WDR59: variants seen among roughly 807,000 people sequenced by gnomAD.
The protein encoded by WDR59 is GATOR2 complex protein WDR59.
In WDR59, 100 loss-of-function variants were observed where a neutral mutation model predicts 131.2. The ratio of observed to expected loss-of-function variants is 0.76; its 90% CI spans 0.65 to 0.90. WDR59 has a LOEUF of 0.90. WDR59 is among the 40% of genes least tolerant of loss of function. The pLI, the probability that WDR59 is intolerant of heterozygous loss-of-function variation, is 0.00. For synonymous variants in WDR59, 601 were observed against 466.2 expected (o/e 1.29, Z -3.72); for missense variants, 1,203 against 1,262.2 (o/e 0.95, Z 0.71).
In WDR59 at chr16:74,929,941, C is replaced by T. The variant is rs537669583; in HGVS notation, c.652-5938G>A. Among the ~76,000 whole-genome samples the T allele has an allele frequency of 2.6e-5, 4 of 152,326 alleles. No homozygotes were observed. In the South Asian group the frequency reaches 8.3e-4, roughly 32 times the overall value. On this transcript the variant is annotated intron_variant, in intron 8 of 25. Transcript: ENST00000262144. Reference sequence around the variant, plus strand: ...AACAAGCCAGGCACAGAAAAATAAACTTTGCATGTTCTCACTCATTTGTGG... The same window carrying T: ...AACAAGCCAGGCACAGAAAAATAAATTTTGCATGTTCTCACTCATTTGTGG...
At chr16:74,978,604 G>T (rs2034279604) in intron 1 of WDR59, among the ~76,000 whole-genome samples, 1 of 152,194 alleles carries the variant, frequency 6.6e-6, no homozygotes, top group East Asian at 1.9e-4. Flanking sequence ...CCAGAGATAA[G>T]GGATGGAGAT....
At chr16:74,933,861 A>G (rs1275566531) in intron 8 of WDR59, among the ~76,000 whole-genome samples, 1 of 152,224 alleles carries the variant, frequency 6.6e-6, no homozygotes, top group Non-Finnish European at 1.5e-5. Flanking sequence ...TTGGGATTAC[A>G]GGCGTGAGCC....
chr16:74,951,582 G>A (rs1268874562), intron 3 of WDR59, 39 bp from the exon 4 acceptor site: 40 of 1,532,298 alleles, frequency 2.6e-5, no homozygotes, highest in South Asian at 7.1e-5. Context: ...CAAGTATGTT[G>A]GGATATATGG....
chr16:74,909,747 C>G (rs1442108016), intron 15 of WDR59, 75 bp downstream of exon 15: 4 of 1,572,308 alleles, frequency 2.5e-6, no homozygotes, highest in Non-Finnish European at 3.4e-6. Flanking sequence ...AACCAGAAAA[C>G]CCATGATTTT....
chr16:74,982,205 A>G (rs1486589483), intron 1 of WDR59, among the ~76,000 whole-genome samples: 1 of 151,782 alleles, frequency 6.6e-6, no homozygotes, highest in Non-Finnish European at 1.5e-5. Flanking sequence ...GCTCCTATTC[A>G]TAAAGGCATT....
intron 9 of WDR59, among the ~76,000 whole-genome samples, chr16:74,923,622 C>T: frequency 6.6e-6 from 1 of 152,088 alleles, no homozygotes; most frequent in South Asian, 2.1e-4. Context: ...GGACTACAGG[C>T]ATATGCCACC....
intron 20 of WDR59, among the ~76,000 whole-genome samples, chr16:74,890,366 G>C (rs1029957170): frequency 6.6e-6 from 1 of 152,086 alleles, no homozygotes; most frequent in African/African-American, 2.4e-5. Context: ...GGCCAGGCTG[G>C]TCTGGAACTC....
chr16:74,945,666 C>T (rs547463404), intron 6 of WDR59, among the ~76,000 whole-genome samples: 29 of 152,020 alleles, frequency 1.9e-4, no homozygotes, highest in Middle Eastern at 3.4e-3. Flanking sequence ...AAGCACTTAG[C>T]GCAGAAGCAC....
chr16:74,880,770 G>C (rs1198734748), intron 25 of WDR59, among the ~76,000 whole-genome samples: 1 of 152,206 alleles, frequency 6.6e-6, no homozygotes, highest in Non-Finnish European at 1.5e-5. Flanking sequence ...CCAGCACATA[G>C]AACAATCAAA....
At chr16:74,926,963 T>C (rs894224031) in intron 8 of WDR59, among the ~76,000 whole-genome samples, 5 of 152,214 alleles carry the variant, frequency 3.3e-5, no homozygotes, top group Non-Finnish European at 5.9e-5. Context: ...TCTTAGAAGC[T>C]GTTCCTCTAC....
At chr16:74,981,660 A>ATATATATATATTTTTT (rs1567451007) in intron 1 of WDR59, among the ~76,000 whole-genome samples, 5 of 80,864 alleles carry the variant, frequency 6.2e-5, no homozygotes, top group African/African-American at 3.7e-4. Flanking sequence ...ATATATATAT[A>ATATATATATATTTTTT]TTTTTTTTTT....
chr16:74,951,576 T>C, intron 3 of WDR59, 33 bp from the exon 4 acceptor site: 1 of 1,543,528 alleles, frequency 6.5e-7, no homozygotes, highest in Non-Finnish European at 8.8e-7. Context: ...CACAGGCAAG[T>C]ATGTTGGGAT....
intron 18 of WDR59, among the ~76,000 whole-genome samples, chr16:74,897,399 C>A (rs1241242815): frequency 2.0e-5 from 3 of 152,200 alleles, no homozygotes; most frequent in African/African-American, 7.2e-5. Context: ...GACTCTTCCC[C>A]CATTTGCAGC....
intron 6 of WDR59, among the ~76,000 whole-genome samples, chr16:74,943,531 A>C (rs2032392669): frequency 6.6e-6 from 1 of 152,196 alleles, no homozygotes; most frequent in African/African-American, 2.4e-5. Context: ...GCATAATGTG[A>C]GATGCCAGAA....
At chr16:74,894,839 T>C (rs1003293463) in intron 18 of WDR59, among the ~76,000 whole-genome samples, 5 of 152,196 alleles carry the variant, frequency 3.3e-5, no homozygotes, top group African/African-American at 9.7e-5. Context: ...TCATGACCTC[T>C]GTTGTTCCAA....
chr16:74,942,996 T>A (rs1044150262), intron 6 of WDR59, among the ~76,000 whole-genome samples, 170 bp from the exon 7 acceptor site: 11 of 152,050 alleles, frequency 7.2e-5, no homozygotes, highest in Non-Finnish European at 2.9e-5. Flanking sequence ...AGCCAAAAAA[T>A]AAATGAATTA....
intron 1 of WDR59, 73 bp downstream of exon 1, chr16:74,984,891 G>C: frequency 1.3e-6 from 2 of 1,564,872 alleles, no homozygotes; most frequent in Non-Finnish European, 8.7e-7. Flanking sequence ...CCCCCGGGAC[G>C]GAAGCAGCCG....
chr16:74,968,173 C>T (rs2033848536), intron 1 of WDR59, among the ~76,000 whole-genome samples: 1 of 152,060 alleles, frequency 6.6e-6, no homozygotes, highest in South Asian at 2.1e-4. Flanking sequence ...TACAGAGCTC[C>T]TATTTGGGAT....
At chr16:74,975,368 CA>C (rs1329046629) in intron 1 of WDR59, among the ~76,000 whole-genome samples, 1 of 145,836 alleles carries the variant, frequency 6.9e-6, no homozygotes, top group African/African-American at 2.5e-5. Flanking sequence ...CAAAAAACAA[CA>C]AAAAAAAACA....
Sources: gnomAD v4.1 joint callset for allele counts (sites outside exome capture counted in the v4.1 genomes callset) on GRCh38, gnomAD v4.1.1 for gene constraint, MANE v1.5 for transcripts, NCBI Gene and HGNC (gene_info 2026-07-23, HGNC 2026-07-21) for gene names.